KCNN4: variants seen among roughly 807,000 people sequenced by gnomAD.
KCNN4 encodes the protein potassium calcium-activated channel subfamily N member 4.
KCNN4 carries 31 observed loss-of-function variants against 45.2 expected under a neutral mutation model. The observed-to-expected ratio is 0.69, with a 90% CI of 0.52 to 0.92. KCNN4 has a LOEUF of 0.92. KCNN4 is among the 40% of genes least tolerant of loss of function. The pLI is 0.00. For missense variants in KCNN4, 463 were observed against 574.0 expected (o/e 0.81, Z 1.98); for synonymous variants, 231 against 254.6 (o/e 0.91, Z 0.88).
rs1420172475 is a variant in KCNN4, at chr19:43,780,807, G to T, written c.55C>A (p.Leu19Met). The stretch of plus-strand genomic sequence containing the variant: ...CCGGCCAGAGACTTCTCCTGCTCCA[G>T]CAAGCGCTTTCGGCGTCTCAAGGCC... Reference protein sequence around the residue: ...LGALRRRKRLLEQEKSLAGWA... With the variant: ...LGALRRRKRLMEQEKSLAGWA... The change falls in exon 1 of 9, where the codon CTG becomes ATG. Residue 19 changes from leucine to methionine, a missense_variant. Leu to Met is a conservative substitution (Grantham distance 15, BLOSUM62 2). This residue lies in a region of KCNN4 where 225 missense variants were observed against 240.9 expected (regional missense o/e 0.93). Coordinates refer to ENST00000648319, the MANE Select transcript of KCNN4 (RefSeq NM_002250.3). 6.2e-7 allele frequency: 1 copy of T among 1,614,048 alleles called. No individual in the cohort carries two copies. Among genetic ancestry groups the T allele is most frequent in the Admixed American group, 1.7e-5 (1 of 60,022 alleles).
chr19:43,767,602 G>T lies in KCNN4; in HGVS notation c.1225C>A (p.Leu409Met). The T allele has an allele frequency of 6.2e-7, 1 of 1,614,144 alleles. No individual in the cohort carries two copies. Among genetic ancestry groups the T allele is most frequent in the Non-Finnish European group, 8.5e-7 (1 of 1,180,038 alleles). ...CTCGGCCCCAGGGCAGTGCTAAGCA[G>T]CTCAGTCAGGGCATCCAGCTTCCCC... ...LAGKLDALTE[L>M]LSTALGPRQL... The change falls in exon 8 of 9, where the codon CTG becomes ATG. Residue 409 changes from leucine (L) to methionine (M), a missense_variant. This residue lies in a region of KCNN4 where 129 missense variants were observed against 149.4 expected (regional missense o/e 0.86). Coordinates refer to ENST00000648319, the MANE Select transcript of KCNN4 (RefSeq NM_002250.3).
chr19:43,772,439 T>C lies in KCNN4; in HGVS notation c.684-304A>G, dbSNP rs1466704814. Among the ~76,000 whole-genome samples the C allele has an allele frequency of 3.3e-5, 5 of 152,076 alleles. No homozygotes were observed. The highest frequency in any genetic ancestry group is 4.8e-5 in the African/African-American group (2 of 41,390). ...CTCAGCTAGGCTACCCGGGCTGCTG[T>C]AGCATTCAGAGCGTGTGGTTGAGGG... is the stretch of plus-strand genomic sequence containing the variant. On this transcript the variant is annotated intron_variant, in intron 3 of 8. Coordinates refer to ENST00000648319, the MANE Select transcript of KCNN4 (RefSeq NM_002250.3). This position sits in a 1 kb window ranked among gnomAD's most constrained non-coding sequence, Gnocchi z 4.4.
intron 4 of KCNN4, among the ~76,000 whole-genome samples, chr19:43,770,683 A>T (rs1969619025): frequency 6.6e-6 from 1 of 152,300 alleles, no homozygotes; most frequent in East Asian, 1.9e-4. Context: ...ATGGCCTCAC[A>T]GGGTTACTAG....
intron 1 of KCNN4, among the ~76,000 whole-genome samples, chr19:43,780,415 C>A (rs1282170190): frequency 4.3e-5 from 6 of 140,058 alleles, no homozygotes; most frequent in Admixed American, 2.1e-4. Context: ...ACCCAGGAGT[C>A]CAGACCCCAG....
chr19:43,769,322 T>C lies in KCNN4; in HGVS notation c.1049+120A>G, dbSNP rs772601734. ...ATCCAGGTGAGACCTGGATGTTGAG[T>C]GAGACCACACCTGGGTGTCCTGACC... is the stretch of plus-strand genomic sequence containing the variant. On this transcript the variant is annotated intron_variant, in intron 6 of 8. Transcript: ENST00000648319. This position sits in a 1 kb window ranked among gnomAD's most constrained non-coding sequence, Gnocchi z 4.4. The C allele has an allele frequency of 1.1e-4, 85 of 798,672 alleles. No individual in the cohort carries two copies. Among genetic ancestry groups the C allele is most frequent in the Non-Finnish European group, 1.7e-4 (80 of 470,418 alleles). The allele number at this position is 798,672 out of a possible 1,614,324, so 49.5% of individuals were successfully genotyped here. A position where few individuals can be genotyped will look rare whatever the true frequency, so the allele number is the denominator to read the frequency against.
intron 7 of KCNN4, 64 bp downstream of exon 7, chr19:43,768,899 A>T: frequency 2.0e-6 from 3 of 1,534,708 alleles, no homozygotes; most frequent in Non-Finnish European, 2.7e-6. Flanking sequence ...CTAGGGCCAG[A>T]TTTCCCTCCC....
rs1210516345 is a variant in KCNN4 at position 43,767,704 on chromosome 19, G to A, written c.1123C>T (p.His375Tyr). 6.2e-7 allele frequency: 1 copy of A among 1,614,176 alleles called. No homozygotes were observed. The highest frequency in any genetic ancestry group is 1.1e-5 in the South Asian group (1 of 91,088). Residue 375 changes from histidine (H) to tyrosine (Y), a missense_variant, in exon 8 of 9, where the codon CAC becomes TAC. His to Tyr is a moderately conservative substitution (Grantham distance 83, BLOSUM62 2). Around this residue, in one of 3 missense-constraint regions of KCNN4, gnomAD observed 129 missense variants for 149.4 expected, o/e 0.86. Transcript: ENST00000648319. ...VNSMVDISKM[H>Y]MILYDLQQNL... Reference sequence around the variant, plus strand: ...TGCTGCAGGTCATACAGGATCATGTGCATCTGGGTGGGAGGAGAGGATCAG... The same window carrying A: ...TGCTGCAGGTCATACAGGATCATGTACATCTGGGTGGGAGGAGAGGATCAG...
At chr19:43,771,205 G>A (rs955850474) in intron 4 of KCNN4, among the ~76,000 whole-genome samples, 5 of 152,140 alleles carry the variant, frequency 3.3e-5, no homozygotes, top group African/African-American at 1.2e-4. Flanking sequence ...GGTTCAGGAA[G>A]AGGCTGACTC....
chr19:43,768,675 C>G (rs1258486186), intron 7 of KCNN4, among the ~76,000 whole-genome samples: 1 of 151,852 alleles, frequency 6.6e-6, no homozygotes, highest in Non-Finnish European at 1.5e-5. Flanking sequence ...ATTTTATATC[C>G]GTCCACATGT....
rs3760979 is a variant in KCNN4 at position 43,772,218 on chromosome 19, A to G, written c.684-83T>C. On this transcript the variant is annotated intron_variant, in intron 3 of 8. Coordinates refer to ENST00000648319, the MANE Select transcript of KCNN4 (RefSeq NM_002250.3). This position sits in a 1 kb window ranked among gnomAD's most constrained non-coding sequence, Gnocchi z 4.4. The stretch of plus-strand genomic sequence containing the variant: ...ACTCCCCTTCCCTCTATACCCTCCC[A>G]TCCCCTTCCCTCTGGTTCCCTCCCT... The G allele has an allele frequency of 0.86, 1,276,132 of 1,484,774 alleles. 549,221 individuals carry two copies. Among genetic ancestry groups the G allele is most frequent in the East Asian group, 0.95 (39,649 of 41,848 alleles). 92.0% of individuals were successfully genotyped at this position (1,484,774 alleles called of 1,614,324 possible).
intron 1 of KCNN4, among the ~76,000 whole-genome samples, chr19:43,779,296 G>A (rs1969904385): frequency 6.6e-6 from 1 of 152,272 alleles, no homozygotes; most frequent in South Asian, 2.1e-4. Flanking sequence ...GCGGTGCTTC[G>A]GCGTGGGAGC....
intron 1 of KCNN4, 122 bp downstream of exon 1, chr19:43,780,581 T>A: frequency 4.2e-6 from 2 of 481,778 alleles, no homozygotes; most frequent in African/African-American, 4.4e-5. Flanking sequence ...CAGCCCCTCC[T>A]CCCTCAGACC....
Position 43,776,832 on chromosome 19 carries a change from T to A in KCNN4, c.160-196A>T, listed in dbSNP as rs1969820868. The A allele has an allele frequency of 5.3e-6, 3 of 567,664 alleles. No homozygotes were observed. The South Asian group carries it at 6.1e-5, about 12-fold the overall frequency. The allele number at this position is 567,664 out of a possible 1,614,324, so 35.2% of individuals were successfully genotyped here. Reference sequence around the variant, plus strand: ...CATCATCTGGGCCCAGTGCGGTGGCTCACACCTGTAATCCCAACACTCTGG... The same window carrying A: ...CATCATCTGGGCCCAGTGCGGTGGCACACACCTGTAATCCCAACACTCTGG... On this transcript the variant is annotated intron_variant, in intron 1 of 8. Coordinates refer to ENST00000648319, the MANE Select transcript of KCNN4 (RefSeq NM_002250.3).
In KCNN4 at chr19:43,769,951, G is replaced by T. The variant is rs1206655799; in HGVS notation, c.820-122C>A. On this transcript the variant is annotated intron_variant, in intron 4 of 8. Coordinates refer to ENST00000648319, the MANE Select transcript of KCNN4 (RefSeq NM_002250.3). This position sits in a 1 kb window ranked among gnomAD's most constrained non-coding sequence, Gnocchi z 4.4. ...GTTAGCAGACAAGCAAAGAGGCTCA[G>T]AGAGGAGAGCCAAGGTCCCAGCTCA... 1 of 668,940 alleles carries T rather than the reference G, an allele frequency of 1.5e-6. No individual in the cohort carries two copies. The highest frequency in any genetic ancestry group is 2.6e-6 in the Non-Finnish European group (1 of 381,050). The allele number at this position is 668,940 out of a possible 1,614,324, so 41.4% of individuals were successfully genotyped here.
rs1439653552 is a variant in KCNN4 at position 43,767,495 on chromosome 19, C to T, written c.*3+45G>A. ...CCACATAGGGTGCTGGCCACAGGAACCCTTCCTCCAGGATGCCTTCCTGCC... is the reference window on the plus strand; with the variant it reads ...CCACATAGGGTGCTGGCCACAGGAATCCTTCCTCCAGGATGCCTTCCTGCC... On this transcript the variant is annotated intron_variant, in intron 8 of 8. Transcript: ENST00000648319. The T allele has an allele frequency of 3.8e-6, 6 of 1,592,572 alleles. No individual in the cohort carries two copies. The Admixed American group carries it at 1.0e-4, about 27-fold the overall frequency.
intron 8 of KCNN4, 56 bp downstream of exon 8, chr19:43,767,484 G>A: frequency 6.3e-7 from 1 of 1,577,838 alleles, no homozygotes; most frequent in South Asian, 1.1e-5. Context: ...ATAGGGTGCT[G>A]GCCACAGGAA....
At position 43,769,720 on chromosome 19, in the gene KCNN4, T is replaced by C; in HGVS notation, c.929A>G (p.Glu310Gly). 6.2e-7 allele frequency: 1 copy of C among 1,612,260 alleles called. No homozygotes were observed. Among genetic ancestry groups the C allele is most frequent in the Non-Finnish European group, 8.5e-7 (1 of 1,178,600 alleles). ...NFMMDIQYTK[E>G]MKESAARVLQ... ...ATGGGTGCCATATGCCCATCTCACC[T>C]CTTTGGTATACTGGATATCCATCAT... Residue 310 changes from glutamate (E) to glycine (G), a missense_variant and splice_region_variant, in exon 5 of 9, where the codon GAG becomes GGG. Physicochemically the swap from Glu to Gly is moderately conservative, Grantham distance 98. Coordinates refer to ENST00000648319, the MANE Select transcript of KCNN4 (RefSeq NM_002250.3). This position sits in a 1 kb window ranked among gnomAD's most constrained non-coding sequence, Gnocchi z 4.4.
chr19:43,776,892 G>A, intron 1 of KCNN4: 4 of 425,976 alleles, frequency 9.4e-6, no homozygotes, highest in Non-Finnish European at 8.7e-6. Flanking sequence ...AAGGTCGGGA[G>A]TTTGAGACCC....
intron 1 of KCNN4, among the ~76,000 whole-genome samples, chr19:43,778,720 C>T (rs1475323399): frequency 2.0e-5 from 3 of 152,176 alleles, no homozygotes. Flanking sequence ...CTCTCCCCAT[C>T]CCTCCTCCTC....
Sources: allele counts gnomAD v4.1 joint callset (sites outside exome capture counted in the v4.1 genomes callset), GRCh38; gene constraint gnomAD v4.1.1; regional missense constraint gnomAD v4.1.1; non-coding constraint Gnocchi (gnomAD v3.1); transcripts MANE v1.5; gene names NCBI Gene and HGNC (gene_info 2026-07-23, HGNC 2026-07-21).